Variants in OSBPL1A observed in about 807,000 individuals in gnomAD.
OSBPL1A encodes the protein oxysterol-binding protein-related protein 1.
A neutral mutation model predicts 137.1 loss-of-function variants in OSBPL1A; 80 were observed. The observed-to-expected ratio is 0.58, with a 90% confidence interval of 0.49 to 0.70. The LOEUF (loss-of-function observed/expected upper bound fraction) is 0.70, where lower values mean the gene tolerates loss of function less well. OSBPL1A is among the 30% of genes least tolerant of loss of function. The pLI is 0.00. For missense variants in OSBPL1A, 970 were observed against 1,129.4 expected, an observed-to-expected ratio of 0.86 and a Z score of 2.02; for synonymous variants, 365 against 389.7, an observed-to-expected ratio of 0.94 and a Z score of 0.75.
At chr18:24,373,782 C>A (rs534952383) in intron 2 of OSBPL1A, among the ~76,000 whole-genome samples, 122 of 152,222 alleles carry the variant, frequency 8.0e-4, no homozygotes, top group Admixed American at 2.1e-3. Context: ...AGGAACCCCC[C>A]ACATGGAAAC....
chr18:24,174,956 T>A (rs2086385364), intron 21 of OSBPL1A, among the ~76,000 whole-genome samples: 1 of 151,140 alleles, frequency 6.6e-6, no homozygotes, highest in Admixed American at 6.6e-5. Context: ...TTTACTTTAT[T>A]TTTTTAGAGA....
At chr18:24,226,743 C>T (rs1420410734) in intron 16 of OSBPL1A, among the ~76,000 whole-genome samples, 1 of 152,140 alleles carries the variant, frequency 6.6e-6, no homozygotes, top group Non-Finnish European at 1.5e-5. Flanking sequence ...CTTTGGCTCT[C>T]AACGCTGGAC....
At chr18:24,224,039 C>A (rs1332499944) in intron 17 of OSBPL1A, among the ~76,000 whole-genome samples, 1 of 152,076 alleles carries the variant, frequency 6.6e-6, no homozygotes, top group Admixed American at 6.6e-5. Context: ...ACATAATTTG[C>A]AATTATAAGC....
At chr18:24,165,848 C>A (rs972267538) in intron 26 of OSBPL1A, among the ~76,000 whole-genome samples, 12 of 152,160 alleles carry the variant, frequency 7.9e-5, no homozygotes, top group Admixed American at 2.0e-4. Flanking sequence ...GTAATCCCAG[C>A]ACTTTGGGAG....
intron 16 of OSBPL1A, among the ~76,000 whole-genome samples, chr18:24,237,103 T>C (rs574814817): frequency 1.2e-4 from 19 of 152,064 alleles, no homozygotes; most frequent in Non-Finnish European, 1.8e-4. Context: ...AAAATCTATA[T>C]ATATACACAA....
At chr18:24,190,179 T>C (rs528028518) in intron 18 of OSBPL1A, among the ~76,000 whole-genome samples, 1 of 152,140 alleles carries the variant, frequency 6.6e-6, no homozygotes, top group African/African-American at 2.4e-5. Flanking sequence ...AATGGAAGCA[T>C]GGGCTGCAAG....
intron 15 of OSBPL1A, among the ~76,000 whole-genome samples, chr18:24,256,640 A>C (rs1392104873): frequency 6.6e-6 from 1 of 152,176 alleles, no homozygotes; most frequent in East Asian, 1.9e-4. Flanking sequence ...GAAAGAAATA[A>C]AGGTATCCAA....
intron 7 of OSBPL1A, among the ~76,000 whole-genome samples, chr18:24,328,861 A>T (rs2091025863): frequency 6.6e-6 from 1 of 152,210 alleles, no homozygotes; most frequent in Non-Finnish European, 1.5e-5. Flanking sequence ...TTTACCGATT[A>T]TATGTTGAAA....
chr18:24,263,132 CTGTTTTGACAAG>C (rs1162165693), intron 15 of OSBPL1A, among the ~76,000 whole-genome samples: 10 of 152,100 alleles, frequency 6.6e-5, no homozygotes, highest in African/African-American at 2.4e-4. Context: ...ATATTTTATT[CTGTTTTGACAAG>C]TGTTTTCACA....
chr18:24,381,029 T>A (rs1192876348), intron 1 of OSBPL1A, among the ~76,000 whole-genome samples: 1 of 151,206 alleles, frequency 6.6e-6, no homozygotes, highest in Non-Finnish European at 1.5e-5. Context: ...AAACCCAGGC[T>A]CAGGCTGTTT....
At chr18:24,194,350 A>G (rs1325609619) in intron 18 of OSBPL1A, among the ~76,000 whole-genome samples, 1 of 152,238 alleles carries the variant, frequency 6.6e-6, no homozygotes, top group African/African-American at 2.4e-5. Flanking sequence ...AATAGAAAAT[A>G]CAATTTGTAG....
chr18:24,343,488 T>C (rs772277048), intron 4 of OSBPL1A, among the ~76,000 whole-genome samples: 9 of 152,110 alleles, frequency 5.9e-5, no homozygotes, highest in Non-Finnish European at 1.2e-4. Context: ...AAAATTCACA[T>C]GGAATTTCAA....
At chr18:24,337,050 G>A (rs1026168428) in intron 5 of OSBPL1A, among the ~76,000 whole-genome samples, 2 of 152,198 alleles carry the variant, frequency 1.3e-5, no homozygotes, top group African/African-American at 4.8e-5. Context: ...GTGACATTAT[G>A]TGCCTCCTAA....
chr18:24,307,934 C>T (rs898889548), intron 13 of OSBPL1A, among the ~76,000 whole-genome samples: 14 of 149,754 alleles, frequency 9.3e-5, no homozygotes, highest in East Asian at 1.9e-4. Context: ...GGATTACAGA[C>T]GTGCACCACC....
At chr18:24,234,821 C>T (rs1336345795) in intron 16 of OSBPL1A, among the ~76,000 whole-genome samples, 8 of 151,800 alleles carry the variant, frequency 5.3e-5, no homozygotes, top group Admixed American at 2.0e-4. Flanking sequence ...CATACCTTCT[C>T]AATATCAGGA....
At chr18:24,233,953 A>G (rs1473146913) in intron 16 of OSBPL1A, among the ~76,000 whole-genome samples, 3 of 152,100 alleles carry the variant, frequency 2.0e-5, no homozygotes, top group Non-Finnish European at 4.4e-5. Flanking sequence ...GCGGGGTCCT[A>G]TTATCTTACA....
In OSBPL1A at chr18:24,334,310, T is replaced by C; in HGVS notation, c.415A>G (p.Arg139Gly). The change falls in exon 6 of 28, where the codon AGA (arginine) becomes GGA (glycine). Residue 139 changes from arginine (R) to glycine (G), a missense_variant. Physicochemically the swap from Arg to Gly is moderately radical, Grantham distance 125. Transcript: ENST00000319481. ...GCTAAAAGTAATTCTTCAAGCTTTC[T>C]TTGTTGAGTCCTTTCTACAGCTGCA... ...MLEAVERTQQ[R>G]KLEELLLAAA... is the part of the protein sequence containing the mutation. The C allele has an allele frequency of 6.2e-7, 1 of 1,612,066 alleles. No homozygotes were observed. The highest frequency in any genetic ancestry group is 1.1e-5 in the South Asian group (1 of 90,778).
intron 18 of OSBPL1A, among the ~76,000 whole-genome samples, chr18:24,181,971 A>T (rs2086618342): frequency 6.6e-6 from 1 of 152,142 alleles, no homozygotes; most frequent in African/African-American, 2.4e-5. Flanking sequence ...ATGTGTTAAA[A>T]CTTCAATATG....
At chr18:24,373,362 T>C (rs1321670306) in intron 2 of OSBPL1A, among the ~76,000 whole-genome samples, 1 of 152,234 alleles carries the variant, frequency 6.6e-6, no homozygotes, top group Non-Finnish European at 1.5e-5. Flanking sequence ...TATAAGTACT[T>C]AGGTTGCTTC....
Sources: gnomAD v4.1 joint callset for allele counts (sites outside exome capture counted in the v4.1 genomes callset) on GRCh38, gnomAD v4.1.1 for gene constraint, MANE v1.5 for transcripts, NCBI Gene and HGNC (gene_info 2026-07-23, HGNC 2026-07-21) for gene names.